MIPOL1: variants seen among roughly 807,000 people sequenced by gnomAD.
MIPOL1 encodes mirror-image polydactyly gene 1 protein.
In MIPOL1, 57 loss-of-function variants were observed where a neutral mutation model predicts 60.9. The observed-to-expected ratio is 0.94, with a 90% CI of 0.76 to 1.17. The LOEUF is 1.17. MIPOL1 is among the 50% of genes most tolerant of loss of function. The pLI, the probability that MIPOL1 is intolerant of heterozygous loss-of-function variation, is 0.00. For synonymous variants in MIPOL1, 179 were observed against 168.8 expected (o/e 1.06, Z -0.47); for missense variants, 551 against 511.6 (o/e 1.08, Z -0.74).
intron 1 of MIPOL1, among the ~76,000 whole-genome samples, chr14:37,204,622 T>C (rs955527667): frequency 6.6e-6 from 1 of 152,168 alleles, no homozygotes; most frequent in African/African-American, 2.4e-5. Flanking sequence ...TCACGATGAT[T>C]GTGAGGCCTC....
intron 11 of MIPOL1, among the ~76,000 whole-genome samples, chr14:37,460,796 A>T (rs1467274624): frequency 6.6e-6 from 1 of 152,182 alleles, no homozygotes; most frequent in Non-Finnish European, 1.5e-5. Flanking sequence ...AATATGCTTA[A>T]CCAAGAAGGT....
chr14:37,292,681 A>G (rs1171380818), intron 7 of MIPOL1, among the ~76,000 whole-genome samples: 2 of 151,762 alleles, frequency 1.3e-5, no homozygotes, highest in Non-Finnish European at 2.9e-5. Flanking sequence ...GGGTTTCGCC[A>G]TGTTGACCAG....
chr14:37,294,194 A>G (rs1043810802), intron 7 of MIPOL1, among the ~76,000 whole-genome samples: 2 of 152,208 alleles, frequency 1.3e-5, no homozygotes, highest in Non-Finnish European at 2.9e-5. Flanking sequence ...TACCCAGGCA[A>G]ACAGGGTCTG....
chr14:37,486,754 A>T (rs1007757965), intron 11 of MIPOL1, among the ~76,000 whole-genome samples: 1 of 152,202 alleles, frequency 6.6e-6, no homozygotes, highest in African/African-American at 2.4e-5. Flanking sequence ...TTCTAAATAT[A>T]CAATCATGTC....
At chr14:37,466,746 G>A (rs1290385279) in intron 11 of MIPOL1, among the ~76,000 whole-genome samples, 2 of 152,106 alleles carry the variant, frequency 1.3e-5, no homozygotes, top group Admixed American at 1.3e-4. Context: ...TAAAGGCCAG[G>A]CAAATCAGTT....
chr14:37,541,578 C>A (rs1201373966), intron 12 of MIPOL1, among the ~76,000 whole-genome samples: 2 of 152,132 alleles, frequency 1.3e-5, no homozygotes, highest in Non-Finnish European at 2.9e-5. Context: ...TTTCAAATCC[C>A]TGGTCACCTC....
intron 1 of MIPOL1, among the ~76,000 whole-genome samples, chr14:37,204,440 A>C (rs2139157701): frequency 6.6e-6 from 1 of 152,160 alleles, no homozygotes. Context: ...TAATTCCTTC[A>C]TGTTGTGGGA....
At chr14:37,484,821 C>T (rs2094923617) in intron 11 of MIPOL1, among the ~76,000 whole-genome samples, 2 of 151,854 alleles carry the variant, frequency 1.3e-5, no homozygotes, top group African/African-American at 4.8e-5. Flanking sequence ...ATTGTATTTT[C>T]ACTTCTAAAA....
At chr14:37,251,352 A>G (rs571482050) in intron 3 of MIPOL1, among the ~76,000 whole-genome samples, 1 of 152,026 alleles carries the variant, frequency 6.6e-6, no homozygotes, top group Non-Finnish European at 1.5e-5. Context: ...ACAGGCGAAA[A>G]CAACTGTATC....
chr14:37,522,925 T>C (rs1737097051), intron 12 of MIPOL1, among the ~76,000 whole-genome samples: 1 of 152,148 alleles, frequency 6.6e-6, no homozygotes, highest in South Asian at 2.1e-4. Context: ...GGAGTGAAAC[T>C]GGAACCCATT....
intron 11 of MIPOL1, among the ~76,000 whole-genome samples, chr14:37,440,326 G>A (rs575365732): frequency 5.3e-5 from 8 of 152,116 alleles, no homozygotes; most frequent in East Asian, 1.9e-4. Context: ...CATTACATGC[G>A]CAAATTAAGT....
At chr14:37,512,907 T>A (rs2153625577) in intron 12 of MIPOL1, among the ~76,000 whole-genome samples, 1 of 152,232 alleles carries the variant, frequency 6.6e-6, no homozygotes, top group East Asian at 1.9e-4. Context: ...TTAAAATATT[T>A]TCTTGTATTT....
chr14:37,258,657 T>C (rs1975363039), intron 3 of MIPOL1, among the ~76,000 whole-genome samples: 1 of 152,152 alleles, frequency 6.6e-6, no homozygotes, highest in Non-Finnish European at 1.5e-5. Context: ...AGCTGTAGGA[T>C]ATTACGCTAT....
chr14:37,481,795 C>T (rs1312126302), intron 11 of MIPOL1, among the ~76,000 whole-genome samples: 2 of 152,062 alleles, frequency 1.3e-5, no homozygotes, highest in African/African-American at 2.4e-5. Flanking sequence ...TATATATCAT[C>T]AATTGATTTT....
intron 7 of MIPOL1, among the ~76,000 whole-genome samples, chr14:37,297,638 A>G (rs2085883042): frequency 6.6e-6 from 1 of 152,190 alleles, no homozygotes; most frequent in African/African-American, 2.4e-5. Flanking sequence ...TTCAAAAATC[A>G]CAAGCATTCT....
intron 11 of MIPOL1, among the ~76,000 whole-genome samples, chr14:37,490,953 T>G (rs1394867109): frequency 1.3e-5 from 2 of 152,136 alleles, no homozygotes; most frequent in African/African-American, 2.4e-5. Context: ...ATTTCTTCCA[T>G]CTCCTCAAAA....
At chr14:37,208,002 GT>G in intron 1 of MIPOL1, among the ~76,000 whole-genome samples, 2 of 152,226 alleles carry the variant, frequency 1.3e-5, no homozygotes, top group South Asian at 4.1e-4. Flanking sequence ...TTGATTTGGT[GT>G]TTTTTTATAG....
At chr14:37,404,625 T>C (rs192358896) in intron 10 of MIPOL1, among the ~76,000 whole-genome samples, 4 of 152,196 alleles carry the variant, frequency 2.6e-5, no homozygotes, top group Admixed American at 2.6e-4. Flanking sequence ...CTCTAATATA[T>C]CACCGTTACT....
At chr14:37,213,463 G>T (rs1171530946) in intron 1 of MIPOL1, among the ~76,000 whole-genome samples, 1 of 152,148 alleles carries the variant, frequency 6.6e-6, no homozygotes, top group Admixed American at 6.6e-5. Flanking sequence ...AGCAGAAGTT[G>T]TCAAGTAGGA....
Sources: gnomAD v4.1 joint callset for allele counts (sites outside exome capture counted in the v4.1 genomes callset) on GRCh38, gnomAD v4.1.1 for gene constraint, MANE v1.5 for transcripts, NCBI Gene and HGNC (gene_info 2026-07-23, HGNC 2026-07-21) for gene names.